INSIG1: variants seen among roughly 807,000 people sequenced by gnomAD.
The protein encoded by INSIG1 is insulin induced gene 1, also known as insulin-induced gene 1 protein.
Under a neutral mutation model 26.5 loss-of-function variants are expected in INSIG1, and 14 were observed. The ratio of observed to expected loss-of-function variants is 0.53; its 90% CI spans 0.35 to 0.83. INSIG1 has a LOEUF of 0.83. Ranked by LOEUF, INSIG1 falls within the 40% of genes least tolerant of loss-of-function variation. The pLI is 0.01. For synonymous variants in INSIG1, 147 were observed against 153.3 expected, an observed-to-expected ratio of 0.96 and a Z score of 0.30; for missense variants, 272 against 368.9, an observed-to-expected ratio of 0.74 and a Z score of 2.15.
intron 5 of INSIG1, chr7:155,303,923 C>T (rs1295961810): frequency 2.4e-6 from 3 of 1,240,868 alleles, no homozygotes; most frequent in Admixed American, 2.1e-5. Context: ...CCACTGGTTA[C>T]TGACTCTCTG....
chr7:155,308,537 G>A lies in INSIG1; in HGVS notation c.*267G>A, dbSNP rs925286672. On this transcript the variant is annotated 3_prime_UTR_variant, in exon 6 of 6. Transcript: ENST00000340368. ...CAGGCTACGTGGGTTCAGGCAGGTGGCAGCTTCCCAAGTATTCGATTTCAT... is the reference window on the plus strand; with the variant it reads ...CAGGCTACGTGGGTTCAGGCAGGTGACAGCTTCCCAAGTATTCGATTTCAT... The A allele has an allele frequency of 2.2e-6, 1 of 462,764 alleles. No individual in the cohort carries two copies. The highest frequency in any genetic ancestry group is 4.0e-6 in the Non-Finnish European group (1 of 252,424). The allele number at this position is 462,764 out of a possible 1,614,324, so 28.7% of individuals were successfully genotyped here.
Position 155,298,698 on chromosome 7 carries a change from G to T in INSIG1, c.412+1G>T. The T allele has an allele frequency of 6.2e-7, 1 of 1,609,176 alleles. No homozygotes were observed. The highest frequency in any genetic ancestry group is 8.5e-7 in the Non-Finnish European group (1 of 1,179,506). ...CCTCCCTGCTGCGGGACAGCAGCTG[G>T]TGAGTACCCCTCCTGGTTCTTCTGG... On this transcript the variant is annotated splice_donor_variant, in intron 2 of 5. Transcript: ENST00000340368. LOFTEE classifies it high-confidence loss of function.
chr7:155,301,626 A>G lies in INSIG1; in HGVS notation c.473A>G (p.Lys158Arg). 1 of 1,611,708 alleles carries G rather than the reference A, an allele frequency of 6.2e-7. No individual in the cohort carries two copies. The highest frequency in any genetic ancestry group is 1.7e-5 in the Admixed American group (1 of 60,000). Residue 158 changes from lysine to arginine, a missense_variant, in exon 3 of 6, where the codon AAG becomes AGG. Lys to Arg is a conservative substitution (Grantham distance 26). Transcript: ENST00000340368. Reference sequence around the variant, plus strand: ...CACCTCGGAGAACCCCACAAATTTAAGAGAGAATGGGCCAGTGTCATGCGC... The same window carrying G: ...CACCTCGGAGAACCCCACAAATTTAGGAGAGAATGGGCCAGTGTCATGCGC... ...DSHLGEPHKF[K>R]REWASVMRCI... is the part of the protein sequence containing the mutation.
rs1797789712 is a variant in INSIG1, at chr7:155,301,706, T to G, written c.537+16T>G. The G allele has an allele frequency of 1.3e-6, 2 of 1,545,864 alleles. No homozygotes were observed. The highest frequency in any genetic ancestry group is 4.5e-5 in the East Asian group (2 of 44,148). On this transcript the variant is annotated intron_variant, in intron 3 of 5. Transcript: ENST00000340368. The stretch of plus-strand genomic sequence containing the variant: ...CGCCAGTGCTGTATCCTTAATTTTC[T>G]GTGCTACGTCCAGAGTATCTTCTTA...
intron 2 of INSIG1, among the ~76,000 whole-genome samples, chr7:155,299,794 G>A (rs1475336186): frequency 6.6e-6 from 1 of 152,218 alleles, no homozygotes; most frequent in Non-Finnish European, 1.5e-5. Flanking sequence ...AATCACAGGT[G>A]AAGTCACATC....
intron 3 of INSIG1, among the ~76,000 whole-genome samples, chr7:155,301,948 TA>T (rs1425132166): frequency 9.7e-5 from 14 of 143,802 alleles, no homozygotes; most frequent in African/African-American, 2.7e-4. Flanking sequence ...TAAATATATA[TA>T]ATATATATAA....
At chr7:155,305,758 G>A (rs1419575662) in intron 5 of INSIG1, among the ~76,000 whole-genome samples, 1 of 152,162 alleles carries the variant, frequency 6.6e-6, no homozygotes, top group Non-Finnish European at 1.5e-5. Flanking sequence ...AGCTGTCTCA[G>A]TTCTCTTCAG....
chr7:155,306,402 A>T (rs1019770783), intron 5 of INSIG1, among the ~76,000 whole-genome samples: 2 of 152,252 alleles, frequency 1.3e-5, no homozygotes, highest in Non-Finnish European at 2.9e-5. Context: ...GTAAGCTGCA[A>T]ACTGCCAACA....
intron 5 of INSIG1, among the ~76,000 whole-genome samples, chr7:155,305,369 G>T (rs1797910647): frequency 6.6e-6 from 1 of 152,090 alleles, no homozygotes; most frequent in Non-Finnish European, 1.5e-5. Flanking sequence ...AAATGGCCCA[G>T]GGGCTTCACA....
At chr7:155,300,282 T>C (rs748468007) in intron 2 of INSIG1, among the ~76,000 whole-genome samples, 1 of 152,212 alleles carries the variant, frequency 6.6e-6, no homozygotes, top group Non-Finnish European at 1.5e-5. Context: ...TACTTTTTTT[T>C]AAACCATCAG....
At chr7:155,304,165 C>T (rs1378700732) in intron 5 of INSIG1, among the ~76,000 whole-genome samples, 3 of 152,150 alleles carry the variant, frequency 2.0e-5, no homozygotes, top group African/African-American at 7.2e-5. Context: ...TATCTCCCTG[C>T]CTTGTCCAGG....
intron 5 of INSIG1, among the ~76,000 whole-genome samples, chr7:155,305,766 C>G (rs1171458349): frequency 6.6e-6 from 1 of 152,200 alleles, no homozygotes; most frequent in Non-Finnish European, 1.5e-5. Flanking sequence ...CAGTTCTCTT[C>G]AGATGCCTTT....
At chr7:155,298,045 C>T (rs993956658) in intron 1 of INSIG1, 86 bp downstream of exon 1, 2 of 382,248 alleles carry the variant, frequency 5.2e-6, no homozygotes, top group African/African-American at 4.2e-5. Flanking sequence ...GGCGCGGGCC[C>T]TGTTGGGTCT....
chr7:155,298,362 G>C lies in INSIG1; in HGVS notation c.77G>C (p.Ser26Thr). The part of the protein sequence containing the change: ...SARRRGPPRA[S>T]AAGLAAKVGE... Reference sequence around the variant, plus strand: ...AGGCGCCGAGGCCCCCCGCGAGCCAGCGCCGCGGGGCTGGCGGCCAAGGTT... The same window carrying C: ...AGGCGCCGAGGCCCCCCGCGAGCCACCGCCGCGGGGCTGGCGGCCAAGGTT... Residue 26 changes from serine (S) to threonine (T), a missense_variant, in exon 2 of 6, where the codon AGC (serine) becomes ACC (threonine). This residue lies in a region of INSIG1 where 161 missense variants were observed against 179.2 expected (regional missense o/e 0.90). Coordinates refer to ENST00000340368, the MANE Select transcript of INSIG1 (RefSeq NM_005542.6). The C allele has an allele frequency of 6.6e-7, 1 of 1,518,154 alleles. No individual in the cohort carries two copies. Among genetic ancestry groups the C allele is most frequent in the Non-Finnish European group, 8.8e-7 (1 of 1,140,618 alleles). 94.0% of individuals were successfully genotyped at this position (1,518,154 alleles called of 1,614,324 possible).
At chr7:155,299,836 A>G (rs184960564) in intron 2 of INSIG1, among the ~76,000 whole-genome samples, 2 of 152,354 alleles carry the variant, frequency 1.3e-5, no homozygotes, top group East Asian at 1.9e-4. Context: ...GGGCCAAGCC[A>G]TCGTTGGTAA....
At chr7:155,298,159 G>C (rs1361541671) in intron 1 of INSIG1, 100 bp from the exon 2 acceptor site, 1 of 1,050,054 alleles carries the variant, frequency 9.5e-7, no homozygotes, top group Non-Finnish European at 1.3e-6. Flanking sequence ...ACCTTGGGGG[G>C]CGGCGCTGCC....
chr7:155,310,172 TAA>T lies in INSIG1; in HGVS notation c.*1903_*1904del, dbSNP rs1453251520. 3.9e-5 allele frequency: 6 copies of T among 152,696 alleles called. No homozygotes were observed. Among genetic ancestry groups the T allele is most frequent in the Admixed American group, 2.0e-4 (3 of 15,284 alleles). 9.5% of individuals were successfully genotyped at this position (152,696 alleles called of 1,614,324 possible). Reference sequence around the variant, plus strand: ...CATCTAGTGAGGTTCACATTCATACTAAGTTTTCAACATTGTGTTCTTTTTGC... The same window carrying T: ...CATCTAGTGAGGTTCACATTCATACTGTTTTCAACATTGTGTTCTTTTTGC... On this transcript the variant is annotated 3_prime_UTR_variant, in exon 6 of 6. Transcript: ENST00000340368.
intron 2 of INSIG1, among the ~76,000 whole-genome samples, chr7:155,300,169 A>G (rs1327274096): frequency 6.6e-6 from 1 of 152,166 alleles, no homozygotes; most frequent in Non-Finnish European, 1.5e-5. Flanking sequence ...CCTTTAACCA[A>G]AAACTTGATC....
rs576311680 is a variant in INSIG1, at chr7:155,302,661, G to C, written c.705-86G>C. On this transcript the variant is annotated intron_variant, in intron 4 of 5. Coordinates refer to ENST00000340368, the MANE Select transcript of INSIG1 (RefSeq NM_005542.6). This position sits in a 1 kb window ranked among gnomAD's most constrained non-coding sequence, Gnocchi z 4.3. ...ACATTGGATGGTTGATATGCGTTCT[G>C]CATATCCCCACTACAGAGAATCTGT... 1.0e-6 allele frequency: 1 copy of C among 999,272 alleles called. No homozygotes were observed. The highest frequency in any genetic ancestry group is 2.4e-5 in the East Asian group (1 of 41,874). 61.9% of individuals were successfully genotyped at this position (999,272 alleles called of 1,614,324 possible). A position where few individuals can be genotyped will look rare whatever the true frequency, so the allele number is the denominator to read the frequency against.
Sources: gnomAD v4.1 joint callset for allele counts (sites outside exome capture counted in the v4.1 genomes callset) on GRCh38, gnomAD v4.1.1 for gene constraint, gnomAD v4.1.1 regional missense constraint, Gnocchi (gnomAD v3.1) non-coding constraint, MANE v1.5 for transcripts, NCBI Gene and HGNC (gene_info 2026-07-23, HGNC 2026-07-21) for gene names.